Variants in EPAS1 observed in about 807,000 individuals in gnomAD.
EPAS1 encodes the protein endothelial PAS domain-containing protein 1.
Under a neutral mutation model 87.9 loss-of-function variants are expected in EPAS1, and 23 were observed. The observed-to-expected ratio is 0.26, with a 90% CI of 0.19 to 0.37. The LOEUF is 0.37. Ranked by LOEUF, EPAS1 falls within the 10% of genes least tolerant of loss-of-function variation. The pLI is 1.00. For synonymous variants in EPAS1, 508 were observed against 444.3 expected (o/e 1.14, Z -1.80); for missense variants, 1,138 against 1,120.7 (o/e 1.02, Z -0.22).
intron 2 of EPAS1, among the ~76,000 whole-genome samples, chr2:46,354,504 C>T (rs4953359): frequency 0.6 from 90,221 of 150,572 alleles, 27,755 homozygotes; most frequent in East Asian, 0.88. Flanking sequence ...TAAGAGGTTT[C>T]TTTTGGTCTG....
intron 6 of EPAS1, among the ~76,000 whole-genome samples, chr2:46,369,275 T>C (rs1026979960): frequency 5.3e-5 from 8 of 152,198 alleles, no homozygotes; most frequent in African/African-American, 1.9e-4. Context: ...GGGTTCTGCC[T>C]GCCTGGACTC....
intron 12 of EPAS1, chr2:46,381,331 A>G (rs951727162): frequency 1.9e-6 from 1 of 526,464 alleles, no homozygotes; most frequent in Admixed American, 3.1e-5. Context: ...GGCAGAAGAA[A>G]CCCTCCTAAG....
At chr2:46,350,494 G>A (rs568684502) in intron 2 of EPAS1, among the ~76,000 whole-genome samples, 4 of 152,188 alleles carry the variant, frequency 2.6e-5, no homozygotes, top group Admixed American at 1.3e-4. Context: ...CTGGGCTGCC[G>A]ATTGAGATTC....
chr2:46,352,234 CTT>C (rs1428704330), intron 2 of EPAS1, among the ~76,000 whole-genome samples: 1 of 152,184 alleles, frequency 6.6e-6, no homozygotes, highest in African/African-American at 2.4e-5. Context: ...GGGCTCCTCA[CTT>C]TGTTCTGACC....
At chr2:46,307,451 CA>C (rs1294667480) in intron 1 of EPAS1, among the ~76,000 whole-genome samples, 2 of 152,188 alleles carry the variant, frequency 1.3e-5, no homozygotes, top group Admixed American at 1.3e-4. Flanking sequence ...TATCGTTGTG[CA>C]GCGGGAGTCT....
chr2:46,366,694 G>T (rs1209971735), intron 6 of EPAS1, among the ~76,000 whole-genome samples: 2 of 152,178 alleles, frequency 1.3e-5, no homozygotes, highest in Admixed American at 1.3e-4. Context: ...TTTTCCCAGT[G>T]AGTCAGGGGT....
intron 1 of EPAS1, among the ~76,000 whole-genome samples, chr2:46,312,192 C>G (rs1463809980): frequency 1.3e-5 from 2 of 152,126 alleles, no homozygotes; most frequent in African/African-American, 4.8e-5. Context: ...TTTATCTTGC[C>G]AAACGGATTG....
chr2:46,367,822 C>G (rs529247594), intron 6 of EPAS1, among the ~76,000 whole-genome samples: 8 of 152,204 alleles, frequency 5.3e-5, no homozygotes, highest in Non-Finnish European at 1.2e-4. Flanking sequence ...GAGAACTTGC[C>G]TCTTCTCTGC....
intron 7 of EPAS1, among the ~76,000 whole-genome samples, chr2:46,373,003 C>T (rs1684658858): frequency 6.6e-6 from 1 of 152,168 alleles, no homozygotes; most frequent in East Asian, 1.9e-4. Flanking sequence ...TTGGTCTTCC[C>T]AGTGATTTGT....
chr2:46,376,735 A>G lies in EPAS1; in HGVS notation c.1231A>G (p.Ile411Val). Residue 411 changes from isoleucine to valine, a missense_variant, in exon 9 of 16, where the codon ATC becomes GTC. Physicochemically the swap from Ile to Val is conservative, Grantham distance 29. This residue lies in a region of EPAS1 where 284 missense variants were observed against 258.4 expected (regional missense o/e 1.10). Transcript: ENST00000263734. ...AQLAPTPGDA[I>V]ISLDFGNQNF... is the part of the protein sequence containing the mutation. ...GCTGGCTCCCACCCCAGGAGACGCC[A>G]TCATCTCTCTGGATTTCGGTGGGTG... is the stretch of plus-strand genomic sequence containing the variant. The G allele has an allele frequency of 6.2e-7, 1 of 1,612,536 alleles. No homozygotes were observed. Among genetic ancestry groups the G allele is most frequent in the Non-Finnish European group, 8.5e-7 (1 of 1,179,922 alleles).
rs1027304939 is a variant in EPAS1, at chr2:46,380,241, G to T, written c.1569G>T (p.Glu523Asp). ...DQCSTQTDFN[E>D]LDLETLAPYI... is the part of the protein sequence containing the mutation. ...TCTCCCCTCAGACGGATTTCAATGA[G>T]CTGGACTTGGAGACACTGGCACCCT... Residue 523 changes from glutamate (E) to aspartate (D), a missense_variant, in exon 12 of 16, where the codon GAG becomes GAT. By Grantham distance (45) the Glu-to-Asp change is conservative. Transcript: ENST00000263734. The surrounding 1 kb of genome is among the most constrained non-coding windows in gnomAD (Gnocchi z 4.4). The T allele has an allele frequency of 1.9e-6, 3 of 1,612,046 alleles. No homozygotes were observed. The African/African-American group carries it at 4.0e-5, about 22-fold the overall frequency.
In EPAS1 at chr2:46,380,114, C is replaced by T. The variant is rs1684852701; in HGVS notation, c.1555-113C>T. ...TCGGGAGCCAGTGGAGGCGTTTGAGCAGCACTGTGAAACAGTGCTTGAGAT... is the reference window on the plus strand; with the variant it reads ...TCGGGAGCCAGTGGAGGCGTTTGAGTAGCACTGTGAAACAGTGCTTGAGAT... On this transcript the variant is annotated intron_variant, in intron 11 of 15. Coordinates refer to ENST00000263734, the MANE Select transcript of EPAS1 (RefSeq NM_001430.5). This position sits in a 1 kb window ranked among gnomAD's most constrained non-coding sequence, Gnocchi z 4.4. The T allele has an allele frequency of 1.3e-6, 2 of 1,549,756 alleles. No individual in the cohort carries two copies. The highest frequency in any genetic ancestry group is 1.8e-6 in the Non-Finnish European group (2 of 1,135,796).
intron 1 of EPAS1, among the ~76,000 whole-genome samples, chr2:46,345,219 A>C (rs1167861839): frequency 6.6e-6 from 1 of 152,138 alleles, no homozygotes; most frequent in Non-Finnish European, 1.5e-5. Flanking sequence ...GGCCCAGGTG[A>C]TTCTCCCATC....
At chr2:46,305,963 G>A (rs959188995) in intron 1 of EPAS1, among the ~76,000 whole-genome samples, 1 of 152,198 alleles carries the variant, frequency 6.6e-6, no homozygotes, top group African/African-American at 2.4e-5. Context: ...TCTGTAACGG[G>A]TTGAGTGTTT....
intron 2 of EPAS1, 22 bp from the exon 3 acceptor site, chr2:46,356,129 T>TGGGGG: frequency 8.0e-7 from 1 of 1,242,728 alleles, no homozygotes; most frequent in Non-Finnish European, 1.1e-6. Flanking sequence ...ATGCAAGCTG[T>TGGGGG]CCCACCCCCC....
chr2:46,347,261 G>A lies in EPAS1; in HGVS notation c.217+198G>A, dbSNP rs1033597095. 1.5e-6 allele frequency: 1 copy of A among 666,812 alleles called. No homozygotes were observed. The highest frequency in any genetic ancestry group is 2.6e-6 in the Non-Finnish European group (1 of 380,110). 41.3% of individuals were successfully genotyped at this position (666,812 alleles called of 1,614,324 possible). ...AGCAGTGACCTTTACCGTGAATCCA[G>A]CTGTGAGAGGAGGGCAGGGACAGGA... is the stretch of plus-strand genomic sequence containing the variant. On this transcript the variant is annotated intron_variant, in intron 2 of 15. Transcript: ENST00000263734. This position sits in a 1 kb window ranked among gnomAD's most constrained non-coding sequence, Gnocchi z 4.2.
At chr2:46,341,127 C>T (rs1257116104) in intron 1 of EPAS1, among the ~76,000 whole-genome samples, 1 of 152,232 alleles carries the variant, frequency 6.6e-6, no homozygotes, top group African/African-American at 2.4e-5. Flanking sequence ...AGAACACTGA[C>T]CACTGGAACA....
chr2:46,314,328 G>C (rs1031285548), intron 1 of EPAS1, among the ~76,000 whole-genome samples: 1 of 152,142 alleles, frequency 6.6e-6, no homozygotes, highest in African/African-American at 2.4e-5. Flanking sequence ...TGATTGGGTC[G>C]GTGTCACTCT....
rs748541419 is a variant in EPAS1, at chr2:46,356,132, C to A, written c.218-19C>A. On this transcript the variant is annotated intron_variant, in intron 2 of 15. Coordinates refer to ENST00000263734, the MANE Select transcript of EPAS1 (RefSeq NM_001430.5). ...CACTCCACATTCATGCAAGCTGTCCCACCCCCCCCCCTTTCCAGTTTGCTC... is the reference window on the plus strand; with the variant it reads ...CACTCCACATTCATGCAAGCTGTCCAACCCCCCCCCCTTTCCAGTTTGCTC... 3.9e-6 allele frequency: 5 copies of A among 1,282,658 alleles called. No individual in the cohort carries two copies. The highest frequency in any genetic ancestry group is 5.4e-6 in the Non-Finnish European group (5 of 919,122). 79.5% of individuals were successfully genotyped at this position (1,282,658 alleles called of 1,614,324 possible).
Sources: allele counts gnomAD v4.1 joint callset (sites outside exome capture counted in the v4.1 genomes callset), GRCh38; gene constraint gnomAD v4.1.1; regional missense constraint gnomAD v4.1.1; non-coding constraint Gnocchi (gnomAD v3.1); transcripts MANE v1.5; gene names NCBI Gene and HGNC (gene_info 2026-07-23, HGNC 2026-07-21).